RBFOX3: variants seen among roughly 807,000 people sequenced by gnomAD.
RBFOX3 encodes RNA binding protein fox-1 homolog 3.
RBFOX3 carries 17 observed loss-of-function variants against 48.7 expected under a neutral mutation model. The observed-to-expected ratio is 0.35, with a 90% confidence interval of 0.24 to 0.52. The LOEUF (loss-of-function observed/expected upper bound fraction) is 0.52, where lower values mean the gene tolerates loss of function less well. Ranked by LOEUF, RBFOX3 falls within the 20% of genes least tolerant of loss-of-function variation. The pLI, the probability that RBFOX3 is intolerant of heterozygous loss-of-function variation, is 0.94. For synonymous variants in RBFOX3, 212 were observed against 209.5 expected (o/e 1.01, Z -0.10); for missense variants, 382 against 497.5 (o/e 0.77, Z 2.21).
intron 2 of RBFOX3, among the ~76,000 whole-genome samples, chr17:79,454,589 A>G (rs1032570555): frequency 2.0e-5 from 3 of 152,186 alleles, no homozygotes; most frequent in African/African-American, 7.2e-5. Context: ...CCCAGTCAAG[A>G]AAGTCCAAGG....
In RBFOX3 at chr17:79,153,809, A is replaced by G. The variant is rs547252636; in HGVS notation, c.-33-38061T>C. The stretch of plus-strand genomic sequence containing the variant: ...TACCCGGCTGGGACCATGGATGTTG[A>G]TATTTGGCACCTGTGGTTGCAGCCC... On this transcript the variant is annotated intron_variant, in intron 4 of 14. Transcript: ENST00000693108. 5.3e-5 allele frequency among the ~76,000 whole-genome samples: 8 copies of G among 152,098 alleles called. No homozygotes were observed. The East Asian group carries it at 5.8e-4, about 11-fold the overall frequency.
intron 2 of RBFOX3, among the ~76,000 whole-genome samples, chr17:79,343,000 G>C (rs979952233): frequency 6.6e-6 from 1 of 152,034 alleles, no homozygotes; most frequent in Non-Finnish European, 1.5e-5. Context: ...GAGAGAGAGA[G>C]AGAAACCTGG....
intron 3 of RBFOX3, among the ~76,000 whole-genome samples, chr17:79,300,208 C>T (rs769500144): frequency 7.9e-5 from 12 of 152,176 alleles, no homozygotes; most frequent in Non-Finnish European, 1.5e-4. Context: ...CCGACTCCTG[C>T]CAACACCTTG....
chr17:79,572,253 T>A (rs1599187143), intron 1 of RBFOX3, among the ~76,000 whole-genome samples: 1 of 152,060 alleles, frequency 6.6e-6, no homozygotes, highest in African/African-American at 2.4e-5. Context: ...ACCAGGGCAT[T>A]CCCCTGCCCC....
chr17:79,560,595 G>T (rs1437129753), intron 1 of RBFOX3, among the ~76,000 whole-genome samples: 1 of 152,148 alleles, frequency 6.6e-6, no homozygotes. Flanking sequence ...AGGGATCATG[G>T]GGTTCAGTGA....
At chr17:79,173,067 G>A (rs183397910) in intron 4 of RBFOX3, among the ~76,000 whole-genome samples, 81 of 152,230 alleles carry the variant, frequency 5.3e-4, no homozygotes, top group East Asian at 3.7e-3. Flanking sequence ...GAAATTAGCC[G>A]GGTGTGGTGG....
intron 4 of RBFOX3, among the ~76,000 whole-genome samples, chr17:79,182,649 C>A (rs2052334508): frequency 6.6e-6 from 1 of 152,052 alleles, no homozygotes; most frequent in African/African-American, 2.4e-5. Context: ...TGCCCCCACC[C>A]AACCCCAACT....
intron 1 of RBFOX3, among the ~76,000 whole-genome samples, chr17:79,487,610 G>A (rs567937358): frequency 2.6e-5 from 4 of 152,176 alleles, no homozygotes; most frequent in African/African-American, 9.6e-5. Context: ...AAAGAAGGAA[G>A]TCAATCTGGG....
chr17:79,366,552 T>C (rs1380270241), intron 2 of RBFOX3, among the ~76,000 whole-genome samples: 1 of 152,186 alleles, frequency 6.6e-6, no homozygotes, highest in Admixed American at 6.5e-5. Flanking sequence ...AGAGCACCAC[T>C]TCCCAGCTCC....
At chr17:79,468,937 AGGAT>A (rs199614550) in intron 2 of RBFOX3, among the ~76,000 whole-genome samples, 2,888 of 89,978 alleles carry the variant, frequency 0.032, 35 homozygotes, top group Admixed American at 0.045. Context: ...TAGAGACGGG[AGGAT>A]GGATGGATGG....
chr17:79,649,640 A>T, the RBFOX3 span, among the ~76,000 whole-genome samples: 1 of 152,232 alleles, frequency 6.6e-6, no homozygotes, highest in Non-Finnish European at 1.5e-5. Flanking sequence ...TGGGAGGCGG[A>T]GGTTGCAGTG....
At position 79,198,383 on chromosome 17, in the gene RBFOX3, C is replaced by T. The variant is rs758563585; in HGVS notation, c.-34+37383G>A. On this transcript the variant is annotated intron_variant, in intron 4 of 14. Transcript: ENST00000693108. This position sits in a 1 kb window ranked among gnomAD's most constrained non-coding sequence, Gnocchi z 8.2. ...TCAGGGGATGTCTTTCCAGCTCTCA[C>T]GGGACTCAGTGCTAAGGTGACAGTG... Among the ~76,000 whole-genome samples, 13 of 152,198 alleles carry T rather than the reference C, an allele frequency of 8.5e-5. No individual in the cohort carries two copies. Among genetic ancestry groups the T allele is most frequent in the East Asian group, 7.7e-4 (4 of 5,192 alleles).
intron 4 of RBFOX3, among the ~76,000 whole-genome samples, chr17:79,160,599 C>T (rs1273549741): frequency 6.6e-6 from 1 of 152,244 alleles, no homozygotes; most frequent in Non-Finnish European, 1.5e-5. Context: ...TCTCAAACAA[C>T]TCTTAGGCCA....
At chr17:79,389,561 C>T (rs982290344) in intron 2 of RBFOX3, among the ~76,000 whole-genome samples, 3 of 152,220 alleles carry the variant, frequency 2.0e-5, no homozygotes, top group Non-Finnish European at 4.4e-5. Context: ...AACACTGAGT[C>T]CCCCACCCTG....
intron 3 of RBFOX3, among the ~76,000 whole-genome samples, chr17:79,267,730 G>A (rs2066955845): frequency 6.6e-6 from 1 of 152,152 alleles, no homozygotes; most frequent in Non-Finnish European, 1.5e-5. Flanking sequence ...AGAGCTCATG[G>A]CCTTGTTGTC....
intron 1 of RBFOX3, among the ~76,000 whole-genome samples, chr17:79,532,203 G>A (rs1157922446): frequency 1.3e-4 from 20 of 152,148 alleles, no homozygotes; most frequent in Non-Finnish European, 2.9e-4. Context: ...CACTGGAGGG[G>A]GGAGGGGAGG....
intron 4 of RBFOX3, among the ~76,000 whole-genome samples, chr17:79,208,846 C>T (rs185145769): frequency 1.1e-3 from 172 of 151,798 alleles, no homozygotes; most frequent in South Asian, 8.6e-3. Context: ...GACGGAGTCT[C>T]GCTCCGTCGC....
At chr17:79,592,322 G>A (rs1004617846) in intron 1 of RBFOX3, among the ~76,000 whole-genome samples, 5 of 151,618 alleles carry the variant, frequency 3.3e-5, no homozygotes, top group Non-Finnish European at 7.4e-5. Flanking sequence ...GCCTGTGTAT[G>A]TGTGTGGTGT....
At chr17:79,290,815 C>T (rs1050098250) in intron 3 of RBFOX3, among the ~76,000 whole-genome samples, 14 of 152,150 alleles carry the variant, frequency 9.2e-5, no homozygotes, top group African/African-American at 1.4e-4. Flanking sequence ...CTACCTTACA[C>T]ACAAAATCAA....
Sources: gnomAD v4.1 joint callset for allele counts (sites outside exome capture counted in the v4.1 genomes callset) on GRCh38, gnomAD v4.1.1 for gene constraint, Gnocchi (gnomAD v3.1) non-coding constraint, MANE v1.5 for transcripts, NCBI Gene and HGNC (gene_info 2026-07-23, HGNC 2026-07-21) for gene names.